Variants in C14orf39 observed in about 807,000 individuals in gnomAD.
C14orf39 encodes the protein chromosome 14 open reading frame 39, also known as protein SIX6OS1.
Under a neutral mutation model 85.6 loss-of-function variants are expected in C14orf39, and 66 were observed. The ratio of observed to expected loss-of-function variants is 0.77; its 90% confidence interval spans 0.63 to 0.95. C14orf39 has a LOEUF of 0.95. Among genes scored for constraint, C14orf39 ranks in the 40% least tolerant of loss-of-function variants. The pLI, the probability that C14orf39 is intolerant of heterozygous loss-of-function variation, is 0.00. For synonymous variants in C14orf39, 242 were observed against 214.0 expected (o/e 1.13, Z -1.14); for missense variants, 735 against 663.9 (o/e 1.11, Z -1.18).
intron 1 of C14orf39, chr14:60,509,494 C>G: frequency 6.2e-7 from 1 of 1,603,140 alleles, no homozygotes. Flanking sequence ...GCCTGGGTCG[C>G]TTCCTCTGGT....
rs569160288 is a variant in C14orf39 at position 60,497,044 on chromosome 14, T to C, written c.-9+2252A>G. The stretch of plus-strand genomic sequence containing the variant: ...ACAGGGACCTTTACGGTCCTGTCCC[T>C]ACCTATCTCTCCATCTTCATATTAT... On this transcript the variant is annotated intron_variant, in intron 2 of 5. Transcript: ENST00000556799. 1.1e-4 allele frequency among the ~76,000 whole-genome samples: 16 copies of C among 152,350 alleles called. No individual in the cohort carries two copies. The South Asian group carries it at 3.3e-3, about 32-fold the overall frequency.
At chr14:60,478,930 AC>A in intron 4 of C14orf39, among the ~76,000 whole-genome samples, 1 of 44,682 alleles carries the variant, frequency 2.2e-5, no homozygotes, top group South Asian at 4.8e-4. Context: ...TTCATCTTAT[AC>A]ATTTTTTATT....
At chr14:60,442,750 T>C (rs1299366109) in intron 16 of C14orf39, among the ~76,000 whole-genome samples, 1 of 152,152 alleles carries the variant, frequency 6.6e-6, no homozygotes, top group East Asian at 1.9e-4. Flanking sequence ...TATATAGAAG[T>C]CACATGTGAA....
Position 60,484,825 on chromosome 14 carries a change from T to C in C14orf39, c.106+56A>G. ...TGCCCTAAACAGAGCAATTGTATGT[T>C]ATATGCCATAAGGAATTAAAAGACT... On this transcript the variant is annotated intron_variant, in intron 3 of 17. Transcript: ENST00000321731. The surrounding 1 kb of genome is among the most constrained non-coding windows in gnomAD (Gnocchi z 4.2). 1 of 1,260,830 alleles carries C rather than the reference T, an allele frequency of 7.9e-7. No individual in the cohort carries two copies. Among genetic ancestry groups the C allele is most frequent in the South Asian group, 1.3e-5 (1 of 77,318 alleles). 78.1% of individuals were successfully genotyped at this position (1,260,830 alleles called of 1,614,324 possible). A position where few individuals can be genotyped will look rare whatever the true frequency, so the allele number is the denominator to read the frequency against.
intron 1 of C14orf39, among the ~76,000 whole-genome samples, chr14:60,506,255 G>T (rs1460058940): frequency 6.6e-6 from 1 of 152,086 alleles, no homozygotes; most frequent in East Asian, 1.9e-4. Flanking sequence ...TCGATTTCCC[G>T]GTCAAATGCA....
intron 4 of C14orf39, among the ~76,000 whole-genome samples, chr14:60,482,487 C>A (rs1449902509): frequency 3.9e-5 from 6 of 152,068 alleles, no homozygotes; most frequent in African/African-American, 1.4e-4. Flanking sequence ...CAATGTGTTA[C>A]TGCATAAAAT....
chr14:60,471,731 T>G lies in C14orf39; in HGVS notation c.332A>C (p.Tyr111Ser), dbSNP rs1460692438. Residue 111 changes from tyrosine (Y) to serine (S), a missense_variant, in exon 6 of 18, where the codon TAT becomes TCT. Tyr to Ser is a moderately radical substitution (Grantham distance 144, BLOSUM62 -2). Coordinates refer to ENST00000321731, the MANE Select transcript of C14orf39 (RefSeq NM_174978.3). ...TTTATACTGACATATATAATCATGA[T>G]ACATTTCTCTGTTAAAATTAAAAGA... ...QGTVEKDKEM[Y>S]HDYICQYKEV... The G allele has an allele frequency of 6.7e-7, 1 of 1,503,160 alleles. No individual in the cohort carries two copies. The highest frequency in any genetic ancestry group is 2.1e-5 in the Admixed American group (1 of 47,080). 93.1% of individuals were successfully genotyped at this position (1,503,160 alleles called of 1,614,324 possible). A position where few individuals can be genotyped will look rare whatever the true frequency, so the allele number is the denominator to read the frequency against.
rs1296082824 is a variant in C14orf39 at position 60,491,161 on chromosome 14, A to G, written c.-8-6075T>C. 6.6e-6 allele frequency among the ~76,000 whole-genome samples: 1 copy of G among 152,192 alleles called. No individual in the cohort carries two copies. The highest frequency in any genetic ancestry group is 6.5e-5 in the Admixed American group (1 of 15,282). ...ACTATAACAAAACACCACTACCTAG[A>G]TAATTCATAAATAATAGAAATTTAT... On this transcript the variant is annotated intron_variant, in intron 2 of 5. Coordinates refer to the C14orf39 transcript ENST00000556799. The surrounding 1 kb of genome is among the most constrained non-coding windows in gnomAD (Gnocchi z 4.5).
intron 1 of C14orf39, among the ~76,000 whole-genome samples, chr14:60,500,246 C>T (rs1309758427): frequency 2.6e-5 from 4 of 152,054 alleles, no homozygotes; most frequent in South Asian, 2.1e-4. Flanking sequence ...AGGCTGGTCT[C>T]GAACTCCCGA....
At chr14:60,489,075 T>G (rs1316691260), upstream of C14orf39, among the ~76,000 whole-genome samples, 1 of 152,180 alleles carries the variant, frequency 6.6e-6, no homozygotes, top group Non-Finnish European at 1.5e-5. Context: ...CACCTGTGCT[T>G]ATGAGTCCCA....
intron 1 of C14orf39, among the ~76,000 whole-genome samples, chr14:60,507,697 A>T (rs988477629): frequency 5.9e-5 from 9 of 152,168 alleles, no homozygotes; most frequent in Admixed American, 3.9e-4. Context: ...ACCTCCAACC[A>T]TCTGTGCTAT....
chr14:60,468,552 G>T lies in C14orf39; in HGVS notation c.676-16C>A. The T allele has an allele frequency of 6.9e-7, 1 of 1,457,034 alleles. No individual in the cohort carries two copies. Among genetic ancestry groups the T allele is most frequent in the South Asian group, 1.3e-5 (1 of 75,010 alleles). The allele number at this position is 1,457,034 out of a possible 1,614,324, so 90.3% of individuals were successfully genotyped here. A position where few individuals can be genotyped will look rare whatever the true frequency, so the allele number is the denominator to read the frequency against. ...TAGATATCTGCTAAAAAGACAATTGGGAACACAAAACAAAATAATTACTTG... is the reference window on the plus strand; with the variant it reads ...TAGATATCTGCTAAAAAGACAATTGTGAACACAAAACAAAATAATTACTTG... On this transcript the variant is annotated splice_polypyrimidine_tract_variant and intron_variant, in intron 8 of 17. Coordinates refer to ENST00000321731, the MANE Select transcript of C14orf39 (RefSeq NM_174978.3).
At chr14:60,512,015 GTAT>G (rs1893302551) in intron 1 of C14orf39, 1 of 3,714 alleles carries the variant, frequency 2.7e-4, no homozygotes, top group Non-Finnish European at 2.0e-3. Context: ...GTGCATATAT[GTAT>G]GTACCTATAC....
intron 2 of C14orf39, chr14:60,495,109 GA>G: frequency 2.5e-5 from 6 of 242,272 alleles, no homozygotes; most frequent in South Asian, 5.9e-5. Flanking sequence ...GCCTTTGGTA[GA>G]AAAAGCTTGG....
At chr14:60,512,963 T>C (rs1485013812) in intron 1 of C14orf39, 1 of 152,240 alleles carries the variant, frequency 6.6e-6, no homozygotes, top group Non-Finnish European at 1.5e-5. Context: ...CTAACTTCTT[T>C]AGGCAGAAGT....
At chr14:60,469,929 G>GTTTTTTT (rs373485742) in intron 7 of C14orf39, among the ~76,000 whole-genome samples, 2 of 108,250 alleles carry the variant, frequency 1.8e-5, no homozygotes, top group East Asian at 3.1e-4. Context: ...TCACAGGGTA[G>GTTTTTTT]TTTTTTTTTT....
At chr14:60,463,280 CTT>C (rs1891612849) in intron 11 of C14orf39, among the ~76,000 whole-genome samples, 1 of 152,012 alleles carries the variant, frequency 6.6e-6, no homozygotes, top group South Asian at 2.1e-4. Flanking sequence ...TTTATTATCT[CTT>C]TATTAATTTG....
At chr14:60,451,095 G>A (rs182685144) in intron 16 of C14orf39, among the ~76,000 whole-genome samples, 32 of 152,190 alleles carry the variant, frequency 2.1e-4, no homozygotes, top group Admixed American at 1.3e-4. Context: ...AGGAAAACAT[G>A]AACTCACCAA....
intron 1 of C14orf39, among the ~76,000 whole-genome samples, chr14:60,508,800 C>T (rs2140187048): frequency 6.6e-6 from 1 of 152,240 alleles, no homozygotes; most frequent in East Asian, 1.9e-4. Context: ...CTGGAGACCT[C>T]TCGACCGAGA....
Sources: allele counts gnomAD v4.1 joint callset (sites outside exome capture counted in the v4.1 genomes callset), GRCh38; gene constraint gnomAD v4.1.1; non-coding constraint Gnocchi (gnomAD v3.1); transcripts MANE v1.5; gene names NCBI Gene and HGNC (gene_info 2026-07-23, HGNC 2026-07-21).